The following TMEM39A variants were observed in gnomAD, a reference collection of about 807,000 sequenced individuals.
TMEM39A encodes transmembrane protein 39A, also known as suppressor of SQST-1 aggregates in rpl-43 mutants.
Under a neutral mutation model 51.9 loss-of-function variants are expected in TMEM39A, and 19 were observed. That is an observed-to-expected ratio of 0.37 (90% confidence interval 0.26 to 0.54). The LOEUF is 0.54. Ranked by LOEUF, TMEM39A falls within the 20% of genes least tolerant of loss-of-function variation. The probability of loss-of-function intolerance (pLI) is 0.88; values close to 1 mark genes in which losing one functional copy is unlikely to be tolerated. For synonymous variants in TMEM39A, 197 were observed against 220.2 expected, an observed-to-expected ratio of 0.89 and a Z score of 0.93; for missense variants, 433 against 590.5, an observed-to-expected ratio of 0.73 and a Z score of 2.76.
rs2080879572 is a variant in TMEM39A, at chr3:119,430,035, G to A, written c.*1946C>T. On this transcript the variant is annotated 3_prime_UTR_variant, in exon 9 of 9. Coordinates refer to ENST00000319172, the MANE Select transcript of TMEM39A (RefSeq NM_018266.3). ...GCTCTCAACTGCTGAGTAATCTCAT[G>A]AAAATGTTGCTGCCAAGAGAAGCAT... The A allele has an allele frequency of 6.6e-6, 1 of 152,092 alleles. No homozygotes were observed. Among genetic ancestry groups the A allele is most frequent in the South Asian group, 2.1e-4 (1 of 4,826 alleles). The allele number at this position is 152,092 out of a possible 1,614,324, so 9.4% of individuals were successfully genotyped here.
intron 3 of TMEM39A, among the ~76,000 whole-genome samples, chr3:119,455,993 G>A (rs1420134321): frequency 4.6e-5 from 7 of 152,086 alleles, no homozygotes; most frequent in African/African-American, 1.7e-4. Context: ...TAAAATGGGA[G>A]TCATATAATG....
intron 3 of TMEM39A, among the ~76,000 whole-genome samples, chr3:119,456,413 C>T (rs1236898037): frequency 6.6e-6 from 1 of 152,140 alleles, no homozygotes; most frequent in African/African-American, 2.4e-5. Flanking sequence ...ATTTTTAATA[C>T]CAGGAACAAC....
chr3:119,433,080 G>C (rs2080921979), intron 8 of TMEM39A, among the ~76,000 whole-genome samples: 1 of 152,088 alleles, frequency 6.6e-6, no homozygotes, highest in Admixed American at 6.6e-5. Context: ...CCTAAATCTA[G>C]ATGAAGACAA....
At chr3:119,435,608 ATC>A in intron 7 of TMEM39A, 1 of 983,752 alleles carries the variant, frequency 1.0e-6, no homozygotes, top group Non-Finnish European at 1.2e-6. Flanking sequence ...AAGTTAATTC[ATC>A]TCTTCCTGAT....
intron 2 of TMEM39A, among the ~76,000 whole-genome samples, 191 bp from the exon 3 acceptor site, chr3:119,458,431 C>A (rs532662666): frequency 6.6e-6 from 1 of 152,212 alleles, no homozygotes; most frequent in Admixed American, 6.5e-5. Context: ...CCTCCATTAT[C>A]TCCTACATGA....
At chr3:119,457,455 G>A (rs141782453) in intron 3 of TMEM39A, among the ~76,000 whole-genome samples, 8 of 152,314 alleles carry the variant, frequency 5.3e-5, no homozygotes, top group African/African-American at 1.9e-4. Context: ...GGACATGTGT[G>A]GAAATGATGT....
At chr3:119,448,242 G>A (rs1327931787) in intron 4 of TMEM39A, among the ~76,000 whole-genome samples, 1 of 151,988 alleles carries the variant, frequency 6.6e-6, no homozygotes. Context: ...AATATATTAA[G>A]TACTTGTCAA....
chr3:119,454,011 A>C (rs1431005865), intron 3 of TMEM39A, among the ~76,000 whole-genome samples: 1 of 152,210 alleles, frequency 6.6e-6, no homozygotes, highest in Non-Finnish European at 1.5e-5. Context: ...CTGAATGACA[A>C]AAAGGCACCT....
intron 7 of TMEM39A, chr3:119,435,644 A>G: frequency 2.0e-6 from 2 of 985,070 alleles, no homozygotes; most frequent in Non-Finnish European, 2.4e-6. Context: ...GTTTCCTAGG[A>G]TAAGAACTGG....
chr3:119,454,244 T>G (rs1005438706), intron 3 of TMEM39A, among the ~76,000 whole-genome samples: 1 of 152,216 alleles, frequency 6.6e-6, no homozygotes, highest in African/African-American at 2.4e-5. Flanking sequence ...GAGATGGAAT[T>G]AAGTGGCCAA....
intron 6 of TMEM39A, among the ~76,000 whole-genome samples, chr3:119,437,523 TAA>T (rs543556839): frequency 4.1e-5 from 4 of 96,598 alleles, no homozygotes; most frequent in Admixed American, 1.1e-4. Context: ...TAAAAATACT[TAA>T]AAAAAAAAAA....
intron 7 of TMEM39A, chr3:119,435,905 T>G (rs2080962264): frequency 1.6e-6 from 2 of 1,289,622 alleles, no homozygotes; most frequent in African/African-American, 3.0e-5. Flanking sequence ...CCAATCTCTT[T>G]CAGTTCCTGG....
chr3:119,434,695 C>A (rs2080945764), intron 8 of TMEM39A, 67 bp downstream of exon 8: 1 of 1,583,768 alleles, frequency 6.3e-7, no homozygotes, highest in African/African-American at 1.4e-5. Flanking sequence ...CTACATGCTT[C>A]CACATAGAGT....
Position 119,438,060 on chromosome 3 carries a change from T to C in TMEM39A, c.619A>G (p.Arg207Gly). Reference protein sequence around the residue: ...VPLCCFHQDSRAHLLLTDYNY... With the variant: ...VPLCCFHQDSGAHLLLTDYNY... ...TAGTCTGTGAGAAGAAGATGTGCTC[T>C]ACTATCTTGATGAAAACAGCAAAGA... Residue 207 changes from arginine (R) to glycine (G), a missense_variant, in exon 6 of 9, where the codon AGA (arginine) becomes GGA (glycine). By Grantham distance (125) the Arg-to-Gly change is moderately radical. Transcript: ENST00000319172. 1 of 1,599,604 alleles carries C rather than the reference T, an allele frequency of 6.3e-7. No homozygotes were observed. Among genetic ancestry groups the C allele is most frequent in the Non-Finnish European group, 8.6e-7 (1 of 1,167,726 alleles).
At chr3:119,435,565 G>A (rs1294465825) in intron 7 of TMEM39A, 1 of 981,820 alleles carries the variant, frequency 1.0e-6, no homozygotes, top group African/African-American at 1.8e-5. Context: ...GGGATCTTCA[G>A]GTTAAGCTTT....
At chr3:119,458,410 T>A (rs1033241907) in intron 2 of TMEM39A, among the ~76,000 whole-genome samples, 170 bp from the exon 3 acceptor site, 9 of 152,216 alleles carry the variant, frequency 5.9e-5, no homozygotes, top group Non-Finnish European at 1.2e-4. Context: ...TGATCTAAGA[T>A]GCAGCTATGG....
At chr3:119,462,326 G>A (rs1400922117) in intron 1 of TMEM39A, among the ~76,000 whole-genome samples, 178 bp from the exon 2 acceptor site, 1 of 152,074 alleles carries the variant, frequency 6.6e-6, no homozygotes, top group Non-Finnish European at 1.5e-5. Flanking sequence ...TGGGTCAAAA[G>A]CCTAAGTTCT....
chr3:119,463,405 A>G lies in TMEM39A; in HGVS notation c.-144T>C. ...GCGACAACTTTACAGACTGGACCCCAGGTAAGGGAACTCCCTCCCAGCGTT... is the reference window on the plus strand; with the variant it reads ...GCGACAACTTTACAGACTGGACCCCGGGTAAGGGAACTCCCTCCCAGCGTT... On this transcript the variant is annotated 5_prime_UTR_variant, in exon 1 of 9. Coordinates refer to ENST00000319172, the MANE Select transcript of TMEM39A (RefSeq NM_018266.3). 2.5e-6 allele frequency: 1 copy of G among 393,010 alleles called. No homozygotes were observed. The highest frequency in any genetic ancestry group is 4.4e-5 in the Admixed American group (1 of 22,546). The allele number at this position is 393,010 out of a possible 1,614,324, so 24.3% of individuals were successfully genotyped here.
At position 119,436,798 on chromosome 3, in the gene TMEM39A, G is replaced by A; in HGVS notation, c.1105C>T (p.Gln369Ter). The change falls in exon 7 of 9, where the codon CAG becomes TAG. Residue 369 changes from glutamine to a stop codon, truncating the protein, a stop_gained. Transcript: ENST00000319172. LOFTEE classifies it high-confidence loss of function. ...LEHGSYSNAP[Q>*]HIWSENTIWP... ...ACCCTCTAGCTTACTCACATGTGCT[G>A]TGGAGCATTGCTGTAGGACCCATGT... 1 of 1,612,450 alleles carries A rather than the reference G, an allele frequency of 6.2e-7. No homozygotes were observed. Among genetic ancestry groups the A allele is most frequent in the East Asian group, 2.2e-5 (1 of 44,866 alleles).
Sources: gnomAD v4.1 joint callset for allele counts (sites outside exome capture counted in the v4.1 genomes callset) on GRCh38, gnomAD v4.1.1 for gene constraint, MANE v1.5 for transcripts, NCBI Gene and HGNC (gene_info 2026-07-23, HGNC 2026-07-21) for gene names.